Variants in EPHA6 observed in about 807,000 individuals in gnomAD.
The protein encoded by EPHA6 is EPH receptor A6, also known as ephrin type-A receptor 6.
Under a neutral mutation model 112.0 loss-of-function variants are expected in EPHA6, and 50 were observed. That is an observed-to-expected ratio of 0.45 (90% confidence interval 0.36 to 0.56). The LOEUF is 0.56. EPHA6 is among the 20% of genes least tolerant of loss of function. The pLI is 0.00. For synonymous variants in EPHA6, 529 were observed against 490.7 expected (o/e 1.08, Z -1.03); for missense variants, 1,280 against 1,417.4 (o/e 0.90, Z 1.56).
At chr3:97,134,703 A>T (rs569400713) in intron 3 of EPHA6, among the ~76,000 whole-genome samples, 1 of 152,322 alleles carries the variant, frequency 6.6e-6, no homozygotes, top group South Asian at 2.1e-4. Context: ...AGAAAAATGC[A>T]TCATTATGAT....
chr3:97,067,893 A>G (rs1360641733), intron 3 of EPHA6, among the ~76,000 whole-genome samples: 1 of 151,980 alleles, frequency 6.6e-6, no homozygotes, highest in Non-Finnish European at 1.5e-5. Context: ...CTGTAATCCC[A>G]ACACTTTGGG....
intron 3 of EPHA6, among the ~76,000 whole-genome samples, chr3:97,129,558 G>C (rs1331942250): frequency 6.6e-6 from 1 of 150,760 alleles, no homozygotes; most frequent in African/African-American, 2.4e-5. Flanking sequence ...TGGTAAATTC[G>C]GTGTTAATTA....
At chr3:96,998,331 G>A (rs561828387) in intron 3 of EPHA6, among the ~76,000 whole-genome samples, 3 of 151,802 alleles carry the variant, frequency 2.0e-5, no homozygotes, top group South Asian at 4.2e-4. Context: ...TGCAATAGTT[G>A]GAAACATCAA....
At chr3:96,980,647 T>C (rs2042728999) in intron 2 of EPHA6, among the ~76,000 whole-genome samples, 1 of 150,790 alleles carries the variant, frequency 6.6e-6, no homozygotes, top group Non-Finnish European at 1.5e-5. Flanking sequence ...TTGGGCAGTA[T>C]GGCCATTTTC....
chr3:96,895,687 T>C (rs1012573828), intron 2 of EPHA6, among the ~76,000 whole-genome samples: 16 of 152,200 alleles, frequency 1.1e-4, no homozygotes, highest in African/African-American at 3.9e-4. Context: ...CATTTCTATG[T>C]TTAGGCACAA....
At chr3:97,134,085 T>C (rs2075709117) in intron 3 of EPHA6, among the ~76,000 whole-genome samples, 1 of 152,000 alleles carries the variant, frequency 6.6e-6, no homozygotes, top group South Asian at 2.1e-4. Flanking sequence ...AAAATATGAC[T>C]ATAGAGTCAG....
chr3:97,243,833 GAA>G (rs2078915590), intron 4 of EPHA6, 117 bp from the exon 5 acceptor site: 1 of 742,056 alleles, frequency 1.3e-6, no homozygotes, highest in Non-Finnish European at 2.2e-6. Context: ...GATCCCATTA[GAA>G]AAAGAGTTCA....
At chr3:97,521,146 T>C (rs2092536225) in intron 10 of EPHA6, among the ~76,000 whole-genome samples, 2 of 152,162 alleles carry the variant, frequency 1.3e-5, no homozygotes, top group South Asian at 4.1e-4. Flanking sequence ...TGTTCTATTG[T>C]ATCTCATTGA....
chr3:97,498,595 A>G (rs967056201), intron 10 of EPHA6, among the ~76,000 whole-genome samples: 2 of 152,136 alleles, frequency 1.3e-5, no homozygotes, highest in East Asian at 3.8e-4. Flanking sequence ...GGTAAGGGTC[A>G]CTTGTTGGTT....
intron 5 of EPHA6, among the ~76,000 whole-genome samples, chr3:97,349,711 A>G (rs1267617110): frequency 6.6e-6 from 1 of 152,006 alleles, no homozygotes; most frequent in East Asian, 1.9e-4. Flanking sequence ...GGATCCAAGG[A>G]AAAGTATCAG....
chr3:97,520,237 G>A (rs2092518916), intron 10 of EPHA6, among the ~76,000 whole-genome samples: 2 of 152,060 alleles, frequency 1.3e-5, no homozygotes, highest in South Asian at 4.1e-4. Flanking sequence ...AAAGTGCTGG[G>A]ATTACAGGTG....
At chr3:96,993,240 A>C (rs2043280322) in intron 3 of EPHA6, among the ~76,000 whole-genome samples, 1 of 152,034 alleles carries the variant, frequency 6.6e-6, no homozygotes, top group South Asian at 2.1e-4. Context: ...ATTGAGAACA[A>C]AGCCCAAATA....
intron 10 of EPHA6, among the ~76,000 whole-genome samples, chr3:97,522,216 A>G (rs1304404714): frequency 1.3e-5 from 2 of 152,144 alleles, no homozygotes; most frequent in Non-Finnish European, 2.9e-5. Flanking sequence ...CCAGCTGGGA[A>G]GTGTTAATTG....
chr3:97,241,473 C>T (rs1443209119), intron 4 of EPHA6, among the ~76,000 whole-genome samples: 1 of 151,558 alleles, frequency 6.6e-6, no homozygotes, highest in Non-Finnish European at 1.5e-5. Flanking sequence ...TTCAATGTGT[C>T]ACATAATGTT....
chr3:97,478,588 GA>G (rs200638857), intron 8 of EPHA6, among the ~76,000 whole-genome samples: 7 of 148,494 alleles, frequency 4.7e-5, no homozygotes, highest in East Asian at 3.9e-4. Context: ...ACATAAAATA[GA>G]AAAAAAAATA....
At chr3:97,178,777 C>A (rs532034366) in intron 3 of EPHA6, among the ~76,000 whole-genome samples, 5 of 152,144 alleles carry the variant, frequency 3.3e-5, no homozygotes, top group Non-Finnish European at 7.4e-5. Context: ...AGGAAACTTT[C>A]TTTATCTTTG....
In EPHA6 at chr3:96,923,772, A is replaced by G. The variant is rs942128341; in HGVS notation, c.450+56883A>G. Among the ~76,000 whole-genome samples, 4 of 152,306 alleles carry G rather than the reference A, an allele frequency of 2.6e-5. No homozygotes were observed. In the South Asian group the frequency reaches 8.3e-4, roughly 32 times the overall value. Reference sequence around the variant, plus strand: ...TTTTATAGTTTTGGGTTTCACATTTAAGCCTTTAATCCATCTTGAGTTGAT... The same window carrying G: ...TTTTATAGTTTTGGGTTTCACATTTGAGCCTTTAATCCATCTTGAGTTGAT... On this transcript the variant is annotated intron_variant, in intron 2 of 17. Transcript: ENST00000389672.
At chr3:97,461,598 T>C (rs1424698878) in intron 7 of EPHA6, among the ~76,000 whole-genome samples, 1 of 152,174 alleles carries the variant, frequency 6.6e-6, no homozygotes, top group Non-Finnish European at 1.5e-5. Context: ...AAAATAGTGT[T>C]TAAAAATGTT....
At chr3:97,375,894 G>A (rs1382549711) in intron 5 of EPHA6, among the ~76,000 whole-genome samples, 1 of 152,074 alleles carries the variant, frequency 6.6e-6, no homozygotes, top group Non-Finnish European at 1.5e-5. Flanking sequence ...TATAGTGAAA[G>A]AAAGCATGTA....
Sources: gnomAD v4.1 joint callset for allele counts (sites outside exome capture counted in the v4.1 genomes callset) on GRCh38, gnomAD v4.1.1 for gene constraint, MANE v1.5 for transcripts, NCBI Gene and HGNC (gene_info 2026-07-23, HGNC 2026-07-21) for gene names.